The following PPP2R5C variants were observed in gnomAD, a reference collection of about 807,000 sequenced individuals.
The protein encoded by PPP2R5C is serine/threonine-protein phosphatase 2A 56 kDa regulatory subunit gamma isoform.
In PPP2R5C, 7 loss-of-function variants were observed where a neutral mutation model predicts 68.9. The observed-to-expected ratio is 0.10, with a 90% CI of 0.06 to 0.19. The LOEUF is 0.19. Among genes scored for constraint, PPP2R5C ranks in the 10% least tolerant of loss-of-function variants. The probability of loss-of-function intolerance (pLI) is 1.00; values close to 1 mark genes in which losing one functional copy is unlikely to be tolerated. For missense variants in PPP2R5C, 348 were observed against 641.3 expected (o/e 0.54, Z 4.94); for synonymous variants, 210 against 222.2 (o/e 0.95, Z 0.49).
chr14:101,889,658 G>A (rs1444337550), intron 5 of PPP2R5C: 6 of 257,212 alleles, frequency 2.3e-5, no homozygotes, highest in South Asian at 4.0e-5. Context: ...TGGGTCTGTC[G>A]CAGATGGGTG....
rs907225170 is a variant in PPP2R5C, at chr14:101,882,414, A to C, written c.405+143A>C. The C allele has an allele frequency of 4.7e-5, 26 of 552,116 alleles. No homozygotes were observed. Among genetic ancestry groups the C allele is most frequent in the Non-Finnish European group, 8.4e-5 (26 of 310,218 alleles). 34.2% of individuals were successfully genotyped at this position (552,116 alleles called of 1,614,324 possible). ...GCCTCGTAAACCCATATGTACAAGA[A>C]AAATATTTCAGCAGAATAAAGTTAA... On this transcript the variant is annotated intron_variant, in intron 3 of 13. Coordinates refer to ENST00000334743, the Ensembl canonical transcript of PPP2R5C. The surrounding 1 kb of genome is among the most constrained non-coding windows in gnomAD (Gnocchi z 4.9).
At chr14:101,854,546 CAG>C (rs2042312572) in intron 1 of PPP2R5C, among the ~76,000 whole-genome samples, 1 of 152,142 alleles carries the variant, frequency 6.6e-6, no homozygotes, top group Non-Finnish European at 1.5e-5. Context: ...GAAACCTCAA[CAG>C]GAAGTTGACA....
intron 11 of PPP2R5C, 57 bp downstream of exon 13, chr14:101,909,747 A>T: frequency 1.5e-6 from 2 of 1,301,166 alleles, no homozygotes. Flanking sequence ...AATCCTAAGT[A>T]AACCTCTTCC....
chr14:101,788,479 G>GA (rs1450419204), intron 3 of PPP2R5C, among the ~76,000 whole-genome samples: 3 of 152,194 alleles, frequency 2.0e-5, no homozygotes, highest in Non-Finnish European at 2.9e-5. Context: ...CTCTTCTGAG[G>GA]AGTCGCTGCA....
rs1436148840 is a variant in PPP2R5C, at chr14:101,917,510, A to G, written c.1327-321A>G. ...CTCCCACCACCGAGCCCAGGGTGCG[A>G]CCTCGCACTTGGCTGCTCACGTGGA... is the stretch of plus-strand genomic sequence containing the variant. On this transcript the variant is annotated intron_variant, in intron 12 of 13. Transcript: ENST00000334743. This position sits in a 1 kb window ranked among gnomAD's most constrained non-coding sequence, Gnocchi z 4.4. 6.6e-6 allele frequency among the ~76,000 whole-genome samples: 1 copy of G among 151,558 alleles called. No homozygotes were observed.
intron 10 of PPP2R5C, among the ~76,000 whole-genome samples, chr14:101,907,312 A>T (rs775354367): frequency 6.6e-6 from 1 of 151,818 alleles, no homozygotes; most frequent in Non-Finnish European, 1.5e-5. Flanking sequence ...CTGGGACTAC[A>T]GGCACCCACC....
At chr14:101,889,218 A>G (rs1033479518) in intron 5 of PPP2R5C, among the ~76,000 whole-genome samples, 1 of 152,196 alleles carries the variant, frequency 6.6e-6, no homozygotes, top group Non-Finnish European at 1.5e-5. Context: ...TCTCAAACTT[A>G]TTTTTGGCTT....
At chr14:101,866,470 T>C (rs1002827287) in intron 2 of PPP2R5C, among the ~76,000 whole-genome samples, 3 of 152,110 alleles carry the variant, frequency 2.0e-5, no homozygotes, top group Non-Finnish European at 4.4e-5. Flanking sequence ...AAAATAAAGC[T>C]GAAGGCCTCG....
At chr14:101,905,220 G>T (rs910131827) in intron 9 of PPP2R5C, among the ~76,000 whole-genome samples, 1 of 152,186 alleles carries the variant, frequency 6.6e-6, no homozygotes, top group African/African-American at 2.4e-5. Context: ...CAGGTGCGAT[G>T]GCGCATGCCT....
Position 101,836,048 on chromosome 14 carries a change from A to G in PPP2R5C, c.95-20638A>G, listed in dbSNP as rs1472371295. 5.0e-6 allele frequency: 3 copies of G among 602,404 alleles called. No homozygotes were observed. In the East Asian group the frequency reaches 8.2e-5, roughly 17 times the overall value. 37.3% of individuals were successfully genotyped at this position (602,404 alleles called of 1,614,324 possible). A position where few individuals can be genotyped will look rare whatever the true frequency, so the allele number is the denominator to read the frequency against. Reference sequence around the variant, plus strand: ...AGTGAAAATAGTAGGAAACACTAGTAAGATAAAATACAATGGGAAATTAAA... The same window carrying G: ...AGTGAAAATAGTAGGAAACACTAGTGAGATAAAATACAATGGGAAATTAAA... On this transcript the variant is annotated intron_variant, in intron 1 of 13. Coordinates refer to ENST00000334743, the Ensembl canonical transcript of PPP2R5C.
chr14:101,777,017 A>T (rs1264154520), intron 2 of PPP2R5C, among the ~76,000 whole-genome samples: 1 of 150,932 alleles, frequency 6.6e-6, no homozygotes, highest in African/African-American at 2.4e-5. Context: ...AGTAGCTGGG[A>T]CTACAGGTGC....
rs570314800 is a variant in PPP2R5C at position 101,926,856 on chromosome 14, G to T, written c.*1584G>T. 4 of 152,218 alleles carry T rather than the reference G, an allele frequency of 2.6e-5. No homozygotes were observed. In the South Asian group the frequency reaches 8.3e-4, roughly 32 times the overall value. The allele number at this position is 152,218 out of a possible 1,614,324, so 9.4% of individuals were successfully genotyped here. The stretch of plus-strand genomic sequence containing the variant: ...TGTCTTGGAGGAAAATCACCTGGGG[G>T]GAGGGGACTTCTTGTGGTAAGAGCA... On this transcript the variant is annotated 3_prime_UTR_variant, in exon 14 of 14. Coordinates refer to ENST00000334743, the Ensembl canonical transcript of PPP2R5C.
chr14:101,776,535 C>T (rs2037430343), intron 2 of PPP2R5C, among the ~76,000 whole-genome samples: 1 of 152,158 alleles, frequency 6.6e-6, no homozygotes, highest in South Asian at 2.1e-4. Flanking sequence ...AACAGCTGAT[C>T]CTCCCAAAGC....
At chr14:101,861,302 T>A (rs1404182017) in intron 2 of PPP2R5C, among the ~76,000 whole-genome samples, 2 of 152,224 alleles carry the variant, frequency 1.3e-5, no homozygotes, top group Non-Finnish European at 2.9e-5. Context: ...ACGTAGAGTC[T>A]CTTCTAAATC....
rs183291441 is a variant in PPP2R5C, at chr14:101,906,237, C to T, written c.1024-165C>T. On this transcript the variant is annotated intron_variant, in intron 9 of 13. Transcript: ENST00000334743. This position sits in a 1 kb window ranked among gnomAD's most constrained non-coding sequence, Gnocchi z 4.0. ...GTTGTCTGCCTCTTTGTTGAAGGCT[C>T]TTCAGGGTTACAGGTTACAGTCTAG... 6.6e-6 allele frequency among the ~76,000 whole-genome samples: 1 copy of T among 152,316 alleles called. No individual in the cohort carries two copies.
intron 2 of PPP2R5C, among the ~76,000 whole-genome samples, chr14:101,763,630 C>T (rs549665660): frequency 5.3e-5 from 8 of 152,296 alleles, no homozygotes; most frequent in Non-Finnish European, 7.4e-5. Context: ...ACCCGCCCAC[C>T]TTGGCCTCCT....
intron 8 of PPP2R5C, among the ~76,000 whole-genome samples, chr14:101,897,306 AT>A (rs561053787): frequency 6.4e-4 from 96 of 150,024 alleles, no homozygotes; most frequent in African/African-American, 2.1e-3. Context: ...CTCATTGGGG[AT>A]TTTTTTTTTA....
intron 1 of PPP2R5C, among the ~76,000 whole-genome samples, chr14:101,850,563 C>G (rs2140504658): frequency 6.6e-6 from 1 of 152,300 alleles, no homozygotes; most frequent in South Asian, 2.1e-4. Context: ...CTCCCCAGAT[C>G]TGTATGGGAA....
At chr14:101,894,219 T>C (rs550983161) in intron 7 of PPP2R5C, among the ~76,000 whole-genome samples, 1 of 152,362 alleles carries the variant, frequency 6.6e-6, no homozygotes, top group Non-Finnish European at 1.5e-5. Context: ...TCGTTGATTG[T>C]AGTCTGCACA....
Sources: allele counts gnomAD v4.1 joint callset (sites outside exome capture counted in the v4.1 genomes callset), GRCh38; gene constraint gnomAD v4.1.1; non-coding constraint Gnocchi (gnomAD v3.1); transcripts MANE v1.5; gene names NCBI Gene and HGNC (gene_info 2026-07-23, HGNC 2026-07-21).